The following BNC2 variants were observed in gnomAD, a reference collection of about 807,000 sequenced individuals.
BNC2 encodes basonuclin zinc finger protein 2, also known as zinc finger protein basonuclin-2.
A neutral mutation model predicts 76.3 loss-of-function variants in BNC2; 20 were observed. That is an observed-to-expected ratio of 0.26 (90% CI 0.18 to 0.38). BNC2 has a LOEUF of 0.38. Ranked by LOEUF, BNC2 falls within the 10% of genes least tolerant of loss-of-function variation. BNC2 has a pLI of 1.00. For missense variants in BNC2, 1,382 were observed against 1,399.8 expected (o/e 0.99, Z 0.20); for synonymous variants, 582 against 514.8 (o/e 1.13, Z -1.77).
intron 3 of BNC2, among the ~76,000 whole-genome samples, chr9:16,714,282 T>G (rs1296147065): frequency 6.6e-6 from 1 of 152,242 alleles, no homozygotes; most frequent in Admixed American, 6.5e-5. Flanking sequence ...AATGTTATTT[T>G]ATAAAAATTA....
At chr9:16,611,631 G>T (rs1490928102) in intron 3 of BNC2, among the ~76,000 whole-genome samples, 1 of 151,984 alleles carries the variant, frequency 6.6e-6, no homozygotes, top group South Asian at 2.1e-4. Context: ...GTAAAAAAAA[G>T]GTCTCACTTT....
At chr9:16,601,480 C>T (rs541467434) in intron 3 of BNC2, among the ~76,000 whole-genome samples, 125 of 152,264 alleles carry the variant, frequency 8.2e-4, no homozygotes, top group African/African-American at 2.8e-3. Context: ...TTCGAATCCC[C>T]TGGGACATTG....
chr9:16,624,198 G>C (rs1432120438), intron 3 of BNC2, among the ~76,000 whole-genome samples: 3 of 152,118 alleles, frequency 2.0e-5, no homozygotes, highest in Admixed American at 6.6e-5. Context: ...GCTAGACGAA[G>C]TATTTATATT....
intron 1 of BNC2, among the ~76,000 whole-genome samples, chr9:16,747,035 A>G (rs915065244): frequency 6.6e-6 from 1 of 152,140 alleles, no homozygotes; most frequent in African/African-American, 2.4e-5. Flanking sequence ...AAAACATCTG[A>G]AATTCTTCCC....
At chr9:16,457,840 C>G (rs560583172) in intron 5 of BNC2, among the ~76,000 whole-genome samples, 1 of 152,322 alleles carries the variant, frequency 6.6e-6, no homozygotes, top group Admixed American at 6.5e-5. Context: ...CTAAAGAGGG[C>G]AGTCTCAGGC....
intron 3 of BNC2, among the ~76,000 whole-genome samples, chr9:16,594,061 TATA>T (rs1219181677): frequency 1.3e-5 from 2 of 152,126 alleles, no homozygotes; most frequent in African/African-American, 2.4e-5. Context: ...CAATTACTAA[TATA>T]ATATGATAGA....
At chr9:16,472,319 G>A (rs573555381) in intron 5 of BNC2, among the ~76,000 whole-genome samples, 1 of 152,318 alleles carries the variant, frequency 6.6e-6, no homozygotes, top group East Asian at 1.9e-4. Flanking sequence ...AGACAGAGTT[G>A]CAGGGGTAAA....
chr9:16,815,033 G>C lies in BNC2; in HGVS notation c.3+55613C>G, dbSNP rs1446440290. Among the ~76,000 whole-genome samples, 8 of 151,968 alleles carry C rather than the reference G, an allele frequency of 5.3e-5. 1 individual carries two copies. In the East Asian group the frequency reaches 1.5e-3, roughly 29 times the overall value. ...AAGCTACCATGAAAAGAAATTATAAGGAAGACCCTAGGAAATTATATAATA... is the reference window on the plus strand; with the variant it reads ...AAGCTACCATGAAAAGAAATTATAACGAAGACCCTAGGAAATTATATAATA... On this transcript the variant is annotated intron_variant, in intron 1 of 6. Coordinates refer to ENST00000380672, the MANE Select transcript of BNC2 (RefSeq NM_017637.6).
chr9:16,598,562 G>T (rs1216159076), intron 3 of BNC2, among the ~76,000 whole-genome samples: 1 of 152,074 alleles, frequency 6.6e-6, no homozygotes, highest in East Asian at 1.9e-4. Context: ...ACCACTACGG[G>T]GAAGAGACGT....
intron 2 of BNC2, among the ~76,000 whole-genome samples, chr9:16,730,530 T>C (rs1041953657): frequency 6.6e-6 from 1 of 152,226 alleles, no homozygotes; most frequent in African/African-American, 2.4e-5. Context: ...ACCCCAAGTT[T>C]ATTTAGTTCA....
At chr9:16,461,861 T>C (rs1192616774) in intron 5 of BNC2, among the ~76,000 whole-genome samples, 2 of 152,232 alleles carry the variant, frequency 1.3e-5, no homozygotes, top group African/African-American at 4.8e-5. Flanking sequence ...GCCACTGAGC[T>C]GGAAGCCTGC....
chr9:16,688,250 T>A (rs1017464998), intron 3 of BNC2, among the ~76,000 whole-genome samples: 1 of 152,170 alleles, frequency 6.6e-6, no homozygotes, highest in African/African-American at 2.4e-5. Flanking sequence ...TTCATCAAAA[T>A]GTACTAAGGA....
intron 5 of BNC2, among the ~76,000 whole-genome samples, chr9:16,473,894 A>C (rs1821877319): frequency 6.6e-6 from 1 of 152,126 alleles, no homozygotes; most frequent in African/African-American, 2.4e-5. Flanking sequence ...AATAAGAAAT[A>C]AAAAATTTAA....
intron 1 of BNC2, among the ~76,000 whole-genome samples, chr9:16,805,294 C>G (rs1200076252): frequency 6.6e-6 from 1 of 151,998 alleles, no homozygotes; most frequent in East Asian, 1.9e-4. Flanking sequence ...AATTCCCTGG[C>G]TATTGTTTCA....
rs189587624 is a variant in BNC2, at chr9:16,700,840, A to G, written c.330+26957T>C. Among the ~76,000 whole-genome samples the G allele has an allele frequency of 5.0e-4, 76 of 152,160 alleles. 1 individual carries two copies. Among genetic ancestry groups the G allele is most frequent in the African/African-American group, 1.6e-3 (66 of 41,522 alleles). ...AAATTAACTGAGCGTGGTGGCACAC[A>G]CCTGTAATCGCGGTTATTTGGGAGG... On this transcript the variant is annotated intron_variant, in intron 3 of 6. Coordinates refer to ENST00000380672, the MANE Select transcript of BNC2 (RefSeq NM_017637.6).
chr9:16,727,966 C>A lies in BNC2; in HGVS notation c.161G>T (p.Arg54Ile), dbSNP rs569050720. ...SEEAEVDVRE[R>I]ETQRDREPKR... The stretch of plus-strand genomic sequence containing the variant: ...TGGCTCTCTGTCTCTCTGTGTCTCT[C>A]TTTCTCTCACATCCACTTCTGCCTC... The change falls in exon 3 of 7, where the codon AGA becomes ATA. Residue 54 changes from arginine to isoleucine, a missense_variant. Arg to Ile is a moderately conservative substitution (Grantham distance 97). This residue lies in a region of BNC2 where 557 missense variants were observed against 540.9 expected (regional missense o/e 1.03). Transcript: ENST00000380672. 3 of 1,613,914 alleles carry A rather than the reference C, an allele frequency of 1.9e-6. No homozygotes were observed. The highest frequency in any genetic ancestry group is 2.5e-6 in the Non-Finnish European group (3 of 1,180,040).
At chr9:16,694,636 C>CAATG (rs1823282109) in intron 3 of BNC2, among the ~76,000 whole-genome samples, 1 of 152,038 alleles carries the variant, frequency 6.6e-6, no homozygotes, top group South Asian at 2.1e-4. Flanking sequence ...TGTCGAAGAT[C>CAATG]AATGAATCAA....
chr9:16,817,231 A>T (rs1348713951), intron 1 of BNC2, among the ~76,000 whole-genome samples: 1 of 151,332 alleles, frequency 6.6e-6, no homozygotes, highest in African/African-American at 2.4e-5. Flanking sequence ...TTGTGCTGTA[A>T]GGAATAAGAG....
At position 16,741,360 on chromosome 9, in the gene BNC2, G is replaced by A. The variant is rs192044140; in HGVS notation, c.4-2875C>T. Among the ~76,000 whole-genome samples the A allele has an allele frequency of 2.1e-3, 314 of 152,134 alleles. 2 individuals carry two copies. Among genetic ancestry groups the A allele is most frequent in the African/African-American group, 6.6e-3 (272 of 41,510 alleles). ...ACCAACTACTCAGGAGGCTGAGGCA[G>A]GAGAATCACTTGAACCTGGGAGGTG... is the stretch of plus-strand genomic sequence containing the variant. On this transcript the variant is annotated intron_variant, in intron 1 of 6. Transcript: ENST00000380672.
Sources: gnomAD v4.1 joint callset for allele counts (sites outside exome capture counted in the v4.1 genomes callset) on GRCh38, gnomAD v4.1.1 for gene constraint, gnomAD v4.1.1 regional missense constraint, MANE v1.5 for transcripts, NCBI Gene and HGNC (gene_info 2026-07-23, HGNC 2026-07-21) for gene names.